The following CADM4 variants were observed in gnomAD, a reference collection of about 807,000 sequenced individuals.
CADM4 encodes cell adhesion molecule 4.
Under a neutral mutation model 43.9 loss-of-function variants are expected in CADM4, and 13 were observed. The ratio of observed to expected loss-of-function variants is 0.30; its 90% confidence interval spans 0.19 to 0.47. The LOEUF (loss-of-function observed/expected upper bound fraction) is 0.47, where lower values mean the gene tolerates loss of function less well. Ranked by LOEUF, CADM4 falls within the 20% of genes least tolerant of loss-of-function variation. The probability of loss-of-function intolerance (pLI) is 1.00; values close to 1 mark genes in which losing one functional copy is unlikely to be tolerated. For missense variants in CADM4, 420 were observed against 527.0 expected, an observed-to-expected ratio of 0.80 and a Z score of 1.99; for synonymous variants, 209 against 220.9, an observed-to-expected ratio of 0.95 and a Z score of 0.48.
rs1973512216 is a variant in CADM4 at position 43,625,652 on chromosome 19, G to A, written c.755+259C>T. Among the ~76,000 whole-genome samples the A allele has an allele frequency of 6.6e-6, 1 of 152,122 alleles. No individual in the cohort carries two copies. Among genetic ancestry groups the A allele is most frequent in the African/African-American group, 2.4e-5 (1 of 41,422 alleles). On this transcript the variant is annotated intron_variant, in intron 6 of 8. Coordinates refer to ENST00000222374, the MANE Select transcript of CADM4 (RefSeq NM_145296.2). The surrounding 1 kb of genome is among the most constrained non-coding windows in gnomAD (Gnocchi z 4.5). ...CCTCAGCAACCAGGAGTCTGAGGCT[G>A]CACAGCTTCAGTATTGGGGAGTCTG...
rs559559059 is a variant in CADM4, at chr19:43,631,117, C to T, written c.65-3327G>A. Among the ~76,000 whole-genome samples, 88 of 152,064 alleles carry T rather than the reference C, an allele frequency of 5.8e-4. 1 individual carries two copies. The South Asian group carries it at 0.017, about 30-fold the overall frequency. On this transcript the variant is annotated intron_variant, in intron 1 of 8. Transcript: ENST00000222374. ...CAGCACTTTGGGAGGCCGAGGTGGGCGGATCACAAGGTCAGGAGTTCGAGA... is the reference window on the plus strand; with the variant it reads ...CAGCACTTTGGGAGGCCGAGGTGGGTGGATCACAAGGTCAGGAGTTCGAGA...
upstream of CADM4, chr19:43,639,931 G>T (rs1483608926): frequency 2.6e-5 from 16 of 616,596 alleles, no homozygotes; most frequent in Non-Finnish European, 3.2e-5. Context: ...GGGAGGGGAG[G>T]GGGAGACGGA....
In CADM4 at chr19:43,625,735, G is replaced by T. The variant is rs926479893; in HGVS notation, c.755+176C>A. On this transcript the variant is annotated intron_variant, in intron 6 of 8. Coordinates refer to ENST00000222374, the MANE Select transcript of CADM4 (RefSeq NM_145296.2). The surrounding 1 kb of genome is among the most constrained non-coding windows in gnomAD (Gnocchi z 4.5). ...GAGTCCAGGTCCCAGATCCCTATTC[G>T]TCCAGGTCCCCAGCTCTCTCCTCCT... 6.6e-6 allele frequency among the ~76,000 whole-genome samples: 1 copy of T among 151,680 alleles called. No individual in the cohort carries two copies. Among genetic ancestry groups the T allele is most frequent in the African/African-American group, 2.4e-5 (1 of 41,250 alleles).
rs1973506256 is a variant in CADM4, at chr19:43,625,304, T to A, written c.756-54A>T. The A allele has an allele frequency of 2.6e-6, 4 of 1,544,170 alleles. No individual in the cohort carries two copies. The highest frequency in any genetic ancestry group is 2.6e-6 in the Non-Finnish European group (3 of 1,136,586). On this transcript the variant is annotated intron_variant, in intron 6 of 8. Coordinates refer to ENST00000222374, the MANE Select transcript of CADM4 (RefSeq NM_145296.2). The surrounding 1 kb of genome is among the most constrained non-coding windows in gnomAD (Gnocchi z 4.5). ...TAGGAACCGAGGTGCCAGCACCCAA[T>A]TCTGACTTGTCAAGAATCTAGACAT...
At position 43,625,199 on chromosome 19, in the gene CADM4, C is replaced by A. The variant is rs1474262919; in HGVS notation, c.807G>T (p.Ala269=). 2 of 1,614,144 alleles carry A rather than the reference C, an allele frequency of 1.2e-6. No homozygotes were observed. The highest frequency in any genetic ancestry group is 4.5e-5 in the East Asian group (2 of 44,902). The change falls in exon 7 of 9, where the codon GCG becomes GCT. Residue 269 remains alanine, a synonymous_variant. Transcript: ENST00000222374. The surrounding 1 kb of genome is among the most constrained non-coding windows in gnomAD (Gnocchi z 4.5). The part of the protein sequence containing the change: ...NRGNESLPER[A]EAVGETLTLP... Reference sequence around the variant, plus strand: ...GCGTGAGCGTCTCTCCCACGGCCTCCGCCCTCTCCGGCAAAGACTCATTCC... The same window carrying A: ...GCGTGAGCGTCTCTCCCACGGCCTCAGCCCTCTCCGGCAAAGACTCATTCC...
At chr19:43,633,723 C>T (rs1973662029) in intron 1 of CADM4, among the ~76,000 whole-genome samples, 1 of 151,488 alleles carries the variant, frequency 6.6e-6, no homozygotes, top group Non-Finnish European at 1.5e-5. Flanking sequence ...CTCTGTCACC[C>T]AGGCTAGAGT....
chr19:43,640,288 C>T (rs943497094), upstream of CADM4, among the ~76,000 whole-genome samples: 4 of 149,490 alleles, frequency 2.7e-5, no homozygotes, highest in African/African-American at 9.9e-5. Flanking sequence ...GCCAGCGTGA[C>T]GGGGGAGCGT....
upstream of CADM4, among the ~76,000 whole-genome samples, chr19:43,641,297 A>T (rs146405871): frequency 5.6e-3 from 851 of 152,192 alleles, 23 homozygotes; most frequent in Admixed American, 0.041. Flanking sequence ...CCGACTAAAA[A>T]ATTTTACATC....
Position 43,627,843 on chromosome 19 carries a change from C to T in CADM4, c.65-53G>A, listed in dbSNP as rs1193850913. The stretch of plus-strand genomic sequence containing the variant: ...AGAAGACTTACTGAGAGCTGCAATT[C>T]AATTTTTTCTTTCTCCCTCTTCCCC... On this transcript the variant is annotated intron_variant, in intron 1 of 8. Transcript: ENST00000222374. This position sits in a 1 kb window ranked among gnomAD's most constrained non-coding sequence, Gnocchi z 4.0. 2 of 1,557,962 alleles carry T rather than the reference C, an allele frequency of 1.3e-6. No homozygotes were observed. The highest frequency in any genetic ancestry group is 3.5e-5 in the Admixed American group (2 of 57,016).
chr19:43,634,706 G>C (rs534079197), intron 1 of CADM4, among the ~76,000 whole-genome samples: 3 of 152,052 alleles, frequency 2.0e-5, no homozygotes, highest in Non-Finnish European at 4.4e-5. Context: ...GTCGTCATGG[G>C]GATGGTGCTT....
intron 1 of CADM4, 57 bp downstream of exon 1, chr19:43,639,670 C>T (rs1408134749): frequency 1.9e-5 from 18 of 953,312 alleles, no homozygotes; most frequent in Non-Finnish European, 2.1e-5. Context: ...GCCGGGCTGT[C>T]ACCACAGCGC....
At chr19:43,637,592 C>T (rs577337026) in intron 1 of CADM4, among the ~76,000 whole-genome samples, 5 of 152,230 alleles carry the variant, frequency 3.3e-5, no homozygotes, top group Non-Finnish European at 5.9e-5. Flanking sequence ...AGAAAGTTTA[C>T]AGAGAGGGTT....
Position 43,627,915 on chromosome 19 carries a change from C to G in CADM4, c.65-125G>C. 1 of 945,220 alleles carries G rather than the reference C, an allele frequency of 1.1e-6. No individual in the cohort carries two copies. The highest frequency in any genetic ancestry group is 1.6e-5 in the South Asian group (1 of 61,838). 58.6% of individuals were successfully genotyped at this position (945,220 alleles called of 1,614,324 possible). A position where few individuals can be genotyped will look rare whatever the true frequency, so the allele number is the denominator to read the frequency against. ...CTTTCCCCTCATTCATTCCATTGCACTGAACATTTCCTGCAGGCTAGAGTC... is the reference window on the plus strand; with the variant it reads ...CTTTCCCCTCATTCATTCCATTGCAGTGAACATTTCCTGCAGGCTAGAGTC... On this transcript the variant is annotated intron_variant, in intron 1 of 8. Coordinates refer to ENST00000222374, the MANE Select transcript of CADM4 (RefSeq NM_145296.2). The surrounding 1 kb of genome is among the most constrained non-coding windows in gnomAD (Gnocchi z 4.0).
intron 1 of CADM4, among the ~76,000 whole-genome samples, chr19:43,639,382 G>T (rs973429753): frequency 2.6e-5 from 4 of 151,502 alleles, no homozygotes; most frequent in Non-Finnish European, 5.9e-5. Context: ...CAGACGGGGG[G>T]GTTCAGAGAC....
chr19:43,625,038 G>GGCCC lies in CADM4; in HGVS notation c.928+39_928+40insGGGC. The GGCCC allele has an allele frequency of 3.2e-6, 4 of 1,269,632 alleles. No homozygotes were observed. Among genetic ancestry groups the GGCCC allele is most frequent in the African/African-American group, 1.6e-5 (1 of 62,668 alleles). The allele number at this position is 1,269,632 out of a possible 1,614,324, so 78.6% of individuals were successfully genotyped here. On this transcript the variant is annotated intron_variant, in intron 7 of 8. Transcript: ENST00000222374. This position sits in a 1 kb window ranked among gnomAD's most constrained non-coding sequence, Gnocchi z 4.5. ...TCAAGCCCCGCCCCCGCCACCTGGC[G>GGCCC]CCCCGCCCCCGCCCTCAGTCGGCCG...
intron 1 of CADM4, among the ~76,000 whole-genome samples, chr19:43,637,728 G>A (rs1038561462): frequency 6.6e-6 from 1 of 152,114 alleles, no homozygotes. Context: ...TTCTGATCCT[G>A]AGAATTCAAA....
At chr19:43,639,367 G>A (rs1973741568) in intron 1 of CADM4, among the ~76,000 whole-genome samples, 1 of 150,792 alleles carries the variant, frequency 6.6e-6, no homozygotes, top group African/African-American at 2.4e-5. Flanking sequence ...AGGGGGACGA[G>A]GAGCCAGACG....
In CADM4 at chr19:43,623,451, A is replaced by G; in HGVS notation, c.1058-12T>C. On this transcript the variant is annotated splice_polypyrimidine_tract_variant and intron_variant, in intron 8 of 8. Transcript: ENST00000222374. This position sits in a 1 kb window ranked among gnomAD's most constrained non-coding sequence, Gnocchi z 4.4. ...GGTCAGATAGGAACCTGAGGGGGTG[A>G]CAGACCCCCGGGGCAGGGGGGACAT... 3 of 1,564,706 alleles carry G rather than the reference A, an allele frequency of 1.9e-6. No individual in the cohort carries two copies. Among genetic ancestry groups the G allele is most frequent in the East Asian group, 2.2e-5 (1 of 44,644 alleles).
At chr19:43,636,318 C>T (rs1973703252) in intron 1 of CADM4, among the ~76,000 whole-genome samples, 1 of 152,108 alleles carries the variant, frequency 6.6e-6, no homozygotes, top group South Asian at 2.1e-4. Context: ...CCCAGAGGTC[C>T]TCCCTGGGTG....
Sources: allele counts gnomAD v4.1 joint callset (sites outside exome capture counted in the v4.1 genomes callset), GRCh38; gene constraint gnomAD v4.1.1; non-coding constraint Gnocchi (gnomAD v3.1); transcripts MANE v1.5; gene names NCBI Gene and HGNC (gene_info 2026-07-23, HGNC 2026-07-21).